Variants in TENM3 observed in about 807,000 individuals in gnomAD.
TENM3 encodes teneurin-3.
Under a neutral mutation model 255.1 loss-of-function variants are expected in TENM3, and 63 were observed. The ratio of observed to expected loss-of-function variants is 0.25; its 90% CI spans 0.20 to 0.30. TENM3 has a LOEUF of 0.30. TENM3 is among the 10% of genes least tolerant of loss of function. The pLI, the probability that TENM3 is intolerant of heterozygous loss-of-function variation, is 1.00. For missense variants in TENM3, 2,929 were observed against 3,461.1 expected (o/e 0.85, Z 3.86); for synonymous variants, 1,306 against 1,322.3 (o/e 0.99, Z 0.27).
chr4:182,474,914 C>G (rs1043867012), intron 3 of TENM3, among the ~76,000 whole-genome samples: 1 of 152,160 alleles, frequency 6.6e-6, no homozygotes, highest in Non-Finnish European at 1.5e-5. Flanking sequence ...TGCTGTTGTC[C>G]TCTTGTGCAT....
At chr4:182,294,504 C>T (rs553826285) in intron 1 of TENM3, among the ~76,000 whole-genome samples, 7 of 151,902 alleles carry the variant, frequency 4.6e-5, no homozygotes, top group Non-Finnish European at 8.8e-5. Context: ...AAAAGTTGAC[C>T]AAAGTGAGAG....
intron 3 of TENM3, among the ~76,000 whole-genome samples, chr4:182,475,949 C>T (rs905218588): frequency 2.6e-5 from 4 of 152,164 alleles, no homozygotes; most frequent in East Asian, 1.9e-4. Flanking sequence ...CAGTCTCTCT[C>T]GTACATTTGA....
the TENM3 span, among the ~76,000 whole-genome samples, chr4:181,650,364 A>G: frequency 2.3e-4 from 35 of 152,178 alleles, no homozygotes; most frequent in African/African-American, 7.7e-4. Context: ...ATACAGACAC[A>G]TACCATGTGC....
the TENM3 span, among the ~76,000 whole-genome samples, chr4:181,756,659 G>A: frequency 2.6e-5 from 4 of 152,206 alleles, no homozygotes; most frequent in South Asian, 4.1e-4. Flanking sequence ...TGTGAGCAGT[G>A]CAACTGTCAA....
intron 3 of TENM3, among the ~76,000 whole-genome samples, chr4:182,390,021 T>A (rs1305840452): frequency 6.6e-6 from 1 of 152,206 alleles, no homozygotes; most frequent in Non-Finnish European, 1.5e-5. Flanking sequence ...TTAGCAAGTG[T>A]AAGATAGATC....
At chr4:182,239,121 G>A (rs1253181984), upstream of TENM3, among the ~76,000 whole-genome samples, 1 of 150,598 alleles carries the variant, frequency 6.6e-6, no homozygotes, top group Non-Finnish European at 1.5e-5. Context: ...GTGTCTCCCA[G>A]GCTGGAGTGC....
the TENM3 span, among the ~76,000 whole-genome samples, chr4:181,577,208 T>TAA: frequency 7.8e-6 from 1 of 127,856 alleles, no homozygotes; most frequent in African/African-American, 2.9e-5. Context: ...TATATATATA[T>TAA]ATTTTTTTTT....
At chr4:182,483,078 A>T (rs544296178) in intron 3 of TENM3, among the ~76,000 whole-genome samples, 1 of 46,106 alleles carries the variant, frequency 2.2e-5, no homozygotes, top group African/African-American at 4.4e-5. Flanking sequence ...TACGGAGCAT[A>T]TCATCACCAC....
intron 3 of TENM3, among the ~76,000 whole-genome samples, chr4:182,514,748 TA>T (rs1560856022): frequency 1.3e-5 from 2 of 150,992 alleles, no homozygotes; most frequent in East Asian, 1.9e-4. Flanking sequence ...TCTGGAGCAT[TA>T]AAAAAAAACT....
At chr4:181,929,611 TAGAC>T in the TENM3 span, among the ~76,000 whole-genome samples, 1 of 152,110 alleles carries the variant, frequency 6.6e-6, no homozygotes, top group African/African-American at 2.4e-5. Flanking sequence ...CTGTCAATAT[TAGAC>T]AGATCAATGA....
intron 14 of TENM3, 70 bp downstream of exon 14, chr4:182,729,251 A>G (rs1760484624): frequency 1.5e-6 from 2 of 1,325,416 alleles, no homozygotes; most frequent in Non-Finnish European, 2.2e-6. Flanking sequence ...TATGTGAAAT[A>G]CTCATGACTG....
upstream of TENM3, chr4:182,141,591 C>G (rs1234318004): frequency 1.3e-5 from 2 of 152,180 alleles, no homozygotes; most frequent in African/African-American, 4.8e-5. Flanking sequence ...TGTCCACCAG[C>G]GACGCCTGGC....
chr4:182,510,479 G>T (rs988435499), intron 3 of TENM3, among the ~76,000 whole-genome samples: 2 of 152,106 alleles, frequency 1.3e-5, no homozygotes, highest in Admixed American at 1.3e-4. Flanking sequence ...TCTTTTAAGG[G>T]TTAACCTCTA....
chr4:182,159,058 C>G (rs1265017317), intron 1 of TENM3, among the ~76,000 whole-genome samples: 1 of 152,188 alleles, frequency 6.6e-6, no homozygotes, highest in Non-Finnish European at 1.5e-5. Flanking sequence ...GCAAAGCTGC[C>G]TCGTCTCTGA....
At chr4:181,478,571 A>G in the TENM3 span, among the ~76,000 whole-genome samples, 1 of 152,170 alleles carries the variant, frequency 6.6e-6, no homozygotes, top group East Asian at 1.9e-4. Context: ...GCTTTTGAAA[A>G]TACACCGGCC....
the TENM3 span, among the ~76,000 whole-genome samples, chr4:181,763,000 T>C: frequency 6.6e-6 from 1 of 152,120 alleles, no homozygotes; most frequent in African/African-American, 2.4e-5. Flanking sequence ...TGGAAAAATA[T>C]GATTGAAACC....
chr4:182,218,353 A>G (rs1755636885), intron 1 of TENM3, among the ~76,000 whole-genome samples: 1 of 152,190 alleles, frequency 6.6e-6, no homozygotes, highest in Admixed American at 6.5e-5. Context: ...AGGAATTATA[A>G]TTGAATATAT....
the TENM3 span, chr4:181,906,078 G>T: frequency 5.9e-6 from 2 of 337,546 alleles, no homozygotes; most frequent in African/African-American, 2.2e-5. Flanking sequence ...ATAACTTTCC[G>T]TAGTAATTCC....
the TENM3 span, among the ~76,000 whole-genome samples, chr4:181,599,911 T>C: frequency 6.6e-6 from 1 of 152,142 alleles, no homozygotes; most frequent in South Asian, 2.1e-4. Flanking sequence ...CCTAGACAAT[T>C]CGCAATAACT....
Sources: allele counts gnomAD v4.1 joint callset (sites outside exome capture counted in the v4.1 genomes callset), GRCh38; gene constraint gnomAD v4.1.1; transcripts MANE v1.5; gene names NCBI Gene and HGNC (gene_info 2026-07-23, HGNC 2026-07-21).